TASP1: variants seen among roughly 807,000 people sequenced by gnomAD.
TASP1 encodes the protein taspase 1.
In TASP1, 16 loss-of-function variants were observed where a neutral mutation model predicts 56.6. The ratio of observed to expected loss-of-function variants is 0.28; its 90% CI spans 0.19 to 0.43. The LOEUF is 0.43. TASP1 is among the 20% of genes least tolerant of loss of function. The probability of loss-of-function intolerance (pLI) is 1.00; values close to 1 mark genes in which losing one functional copy is unlikely to be tolerated. For missense variants in TASP1, 393 were observed against 511.6 expected, an observed-to-expected ratio of 0.77 and a Z score of 2.24; for synonymous variants, 179 against 184.2, an observed-to-expected ratio of 0.97 and a Z score of 0.23.
chr20:13,563,019 TAC>T (rs1158471668), intron 7 of TASP1, among the ~76,000 whole-genome samples: 1 of 139,270 alleles, frequency 7.2e-6, no homozygotes, highest in African/African-American at 2.6e-5. Flanking sequence ...GGTGTATATA[TAC>T]ACACACATAC....
chr20:13,606,366 C>A (rs2048152706), intron 4 of TASP1, among the ~76,000 whole-genome samples: 3 of 152,158 alleles, frequency 2.0e-5, no homozygotes, highest in Non-Finnish European at 2.9e-5. Flanking sequence ...CTTACTGACT[C>A]ATCTAGAATA....
chr20:13,252,121 G>A, the TASP1 span, among the ~76,000 whole-genome samples: 1 of 152,108 alleles, frequency 6.6e-6, no homozygotes, highest in African/African-American at 2.4e-5. Flanking sequence ...CCCTGTCTAC[G>A]GAGCCTTAAG....
the TASP1 span, among the ~76,000 whole-genome samples, chr20:13,172,406 C>T: frequency 6.6e-6 from 1 of 152,050 alleles, no homozygotes; most frequent in Admixed American, 6.6e-5. Flanking sequence ...ATAAGTTATC[C>T]ATTTCTCCAA....
the TASP1 span, among the ~76,000 whole-genome samples, chr20:13,340,438 C>A: frequency 2.6e-5 from 4 of 151,768 alleles, no homozygotes; most frequent in East Asian, 7.7e-4. Context: ...ATACTCCCAA[C>A]TATCTAACAA....
At chr20:13,298,822 G>C in the TASP1 span, 1 of 935,488 alleles carries the variant, frequency 1.1e-6, no homozygotes, top group Non-Finnish European at 1.6e-6. Context: ...TCAGGGAGTT[G>C]TTGACTTTAG....
intron 10 of TASP1, among the ~76,000 whole-genome samples, chr20:13,506,341 C>T (rs1040468251): frequency 6.6e-6 from 1 of 152,134 alleles, no homozygotes; most frequent in Non-Finnish European, 1.5e-5. Flanking sequence ...AACAATCCTT[C>T]TCAACTCTTT....
intron 6 of TASP1, among the ~76,000 whole-genome samples, chr20:13,573,903 C>T (rs2046803413): frequency 6.6e-6 from 1 of 152,154 alleles, no homozygotes; most frequent in South Asian, 2.1e-4. Flanking sequence ...AACCACAGCA[C>T]AGCAGCTCCA....
At chr20:13,152,043 T>C in the TASP1 span, among the ~76,000 whole-genome samples, 1 of 152,138 alleles carries the variant, frequency 6.6e-6, no homozygotes, top group African/African-American at 2.4e-5. Context: ...GTTTTATTGA[T>C]CTTCAGAAGA....
the TASP1 span, among the ~76,000 whole-genome samples, chr20:13,251,117 T>C: frequency 6.6e-6 from 1 of 152,218 alleles, no homozygotes; most frequent in African/African-American, 2.4e-5. Flanking sequence ...ACTTTAATTA[T>C]TCAGAGATCA....
the TASP1 span, among the ~76,000 whole-genome samples, chr20:13,112,631 C>T: frequency 6.6e-6 from 1 of 152,224 alleles, no homozygotes; most frequent in African/African-American, 2.4e-5. Flanking sequence ...GAAGTCCCCA[C>T]TTTCCAAGAA....
At chr20:13,198,979 C>A in the TASP1 span, among the ~76,000 whole-genome samples, 4 of 151,548 alleles carry the variant, frequency 2.6e-5, no homozygotes, top group Non-Finnish European at 5.9e-5. Context: ...GATCACAACT[C>A]ACTGCAGCCT....
At chr20:13,470,463 C>A (rs1332009033) in intron 11 of TASP1, among the ~76,000 whole-genome samples, 1 of 152,060 alleles carries the variant, frequency 6.6e-6, no homozygotes, top group Non-Finnish European at 1.5e-5. Flanking sequence ...ATTCCCAATC[C>A]ACCTACCCAC....
the TASP1 span, chr20:13,279,636 C>A: frequency 4.3e-6 from 7 of 1,611,434 alleles, no homozygotes; most frequent in South Asian, 1.1e-5. Context: ...TTCTTCAGGT[C>A]ACCATAGAGG....
chr20:13,588,238 A>AAAGGAAGG (rs2047378444), intron 4 of TASP1, among the ~76,000 whole-genome samples: 1 of 136,580 alleles, frequency 7.3e-6, no homozygotes, highest in African/African-American at 2.8e-5. Flanking sequence ...AAGGAGAAAG[A>AAAGGAAGG]AAGAAAGGAA....
the TASP1 span, among the ~76,000 whole-genome samples, chr20:13,382,552 G>A: frequency 6.6e-6 from 1 of 152,252 alleles, no homozygotes; most frequent in African/African-American, 2.4e-5. Context: ...AGGCTGATGT[G>A]GGAGGATTGC....
At chr20:13,472,687 C>T (rs1010997581) in intron 11 of TASP1, among the ~76,000 whole-genome samples, 1 of 151,080 alleles carries the variant, frequency 6.6e-6, no homozygotes, top group Non-Finnish European at 1.5e-5. Flanking sequence ...TATGAACAGA[C>T]AGTTTTCAAA....
intron 1 of TASP1, among the ~76,000 whole-genome samples, chr20:13,636,850 C>T (rs1237574900): frequency 6.6e-6 from 1 of 152,134 alleles, no homozygotes; most frequent in Admixed American, 6.5e-5. Context: ...TCCTACCTCA[C>T]ATCATACAGA....
the TASP1 span, among the ~76,000 whole-genome samples, chr20:13,219,908 C>T: frequency 2.0e-5 from 3 of 152,332 alleles, no homozygotes; most frequent in Non-Finnish European, 2.9e-5. Context: ...AATTAAGAAT[C>T]TTAAATCTTT....
intron 10 of TASP1, among the ~76,000 whole-genome samples, chr20:13,511,301 C>T (rs2044317831): frequency 6.6e-6 from 1 of 151,920 alleles, no homozygotes; most frequent in African/African-American, 2.4e-5. Context: ...AACAATGAAG[C>T]AACGGAGCAA....
Sources: gnomAD v4.1 joint callset for allele counts (sites outside exome capture counted in the v4.1 genomes callset) on GRCh38, gnomAD v4.1.1 for gene constraint, MANE v1.5 for transcripts, NCBI Gene and HGNC (gene_info 2026-07-23, HGNC 2026-07-21) for gene names.